CSMD1: variants seen among roughly 807,000 people sequenced by gnomAD.
The protein encoded by CSMD1 is CUB and sushi domain-containing protein 1.
CSMD1 carries 213 observed loss-of-function variants against 417.5 expected under a neutral mutation model. The observed-to-expected ratio is 0.51, with a 90% CI of 0.46 to 0.57. The LOEUF is 0.57. Among genes scored for constraint, CSMD1 ranks in the 20% least tolerant of loss-of-function variants. The pLI is 0.00. For synonymous variants in CSMD1, 2,862 were observed against 1,736.8 expected (o/e 1.65, Z -16.11); for missense variants, 6,923 against 4,529.7 (o/e 1.53, Z -15.17).
chr8:3,194,168 T>C (rs983782), intron 33 of CSMD1, among the ~76,000 whole-genome samples: 1 of 151,998 alleles, frequency 6.6e-6, no homozygotes, highest in Non-Finnish European at 1.5e-5. Flanking sequence ...AAGAATATGC[T>C]TTTTATAGGC....
intron 2 of CSMD1, among the ~76,000 whole-genome samples, chr8:4,581,195 G>C (rs1395571081): frequency 2.6e-5 from 4 of 152,222 alleles, no homozygotes; most frequent in East Asian, 1.9e-4. Context: ...TTGACTTGTT[G>C]ATAAAACTAA....
At chr8:4,028,923 G>A (rs141319356) in intron 4 of CSMD1, among the ~76,000 whole-genome samples, 1 of 152,162 alleles carries the variant, frequency 6.6e-6, no homozygotes, top group Non-Finnish European at 1.5e-5. Flanking sequence ...TAAAGTCATT[G>A]GAACAGTAAA....
intron 3 of CSMD1, among the ~76,000 whole-genome samples, chr8:4,182,899 A>G (rs1221641184): frequency 6.6e-6 from 1 of 152,208 alleles, no homozygotes; most frequent in Non-Finnish European, 1.5e-5. Context: ...TTTGAATGGG[A>G]GAATGTAATT....
chr8:4,854,302 G>A (rs538200697), intron 1 of CSMD1, among the ~76,000 whole-genome samples: 2 of 152,098 alleles, frequency 1.3e-5, no homozygotes, highest in Non-Finnish European at 2.9e-5. Context: ...AGGAGGTGTT[G>A]GGTTGCCGAG....
rs73658459 is a variant in CSMD1, at chr8:4,194,191, C to G, written c.416-162092G>C. Among the ~76,000 whole-genome samples, 1,049 of 152,198 alleles carry G rather than the reference C, an allele frequency of 6.9e-3. 19 individuals carry two copies. The highest frequency in any genetic ancestry group is 0.024 in the African/African-American group (1,016 of 41,510). ...CCCTATCAAGTCTGTACATGTCATACCTGACACTACTAAATTTCTTTCGTC... is the reference window on the plus strand; with the variant it reads ...CCCTATCAAGTCTGTACATGTCATAGCTGACACTACTAAATTTCTTTCGTC... On this transcript the variant is annotated intron_variant, in intron 3 of 69. Transcript: ENST00000635120.
intron 3 of CSMD1, among the ~76,000 whole-genome samples, chr8:4,271,838 G>T (rs777866704): frequency 2.6e-5 from 4 of 152,092 alleles, no homozygotes; most frequent in African/African-American, 9.7e-5. Flanking sequence ...TCCTGGCAGC[G>T]CTATTTGAAA....
At chr8:3,235,699 C>G (rs1017638373) in intron 26 of CSMD1, among the ~76,000 whole-genome samples, 1 of 152,158 alleles carries the variant, frequency 6.6e-6, no homozygotes, top group Non-Finnish European at 1.5e-5. Flanking sequence ...GTGCCTTGCA[C>G]TAGTGGTTAC....
rs80279550 is a variant in CSMD1 at position 4,147,301 on chromosome 8, G to A, written c.416-115202C>T. ...GTAATTCCATACAAAGTTCCCAGCG[G>A]GGAAGGGGAAGCCTTCTGTATGCTC... On this transcript the variant is annotated intron_variant, in intron 3 of 69. Coordinates refer to ENST00000635120, the MANE Select transcript of CSMD1 (RefSeq NM_033225.6). Among the ~76,000 whole-genome samples, 434 of 152,104 alleles carry A rather than the reference G, an allele frequency of 2.9e-3. 16 individuals carry two copies. The East Asian group carries it at 0.078, about 27-fold the overall frequency.
At chr8:4,365,195 G>T (rs538628660) in intron 3 of CSMD1, among the ~76,000 whole-genome samples, 1 of 152,026 alleles carries the variant, frequency 6.6e-6, no homozygotes, top group African/African-American at 2.4e-5. Flanking sequence ...ATAAATATTT[G>T]CACCTTGTCT....
intron 5 of CSMD1, among the ~76,000 whole-genome samples, chr8:3,928,054 A>C (rs1470423958): frequency 2.6e-5 from 4 of 152,062 alleles, no homozygotes; most frequent in Non-Finnish European, 4.4e-5. Context: ...TTTTTTCTTA[A>C]ATTTCCCCAC....
intron 1 of CSMD1, among the ~76,000 whole-genome samples, chr8:4,678,796 T>C (rs10092221): frequency 0.62 from 94,133 of 152,064 alleles, 29,294 homozygotes; most frequent in South Asian, 0.69. Flanking sequence ...GCAAGTTACC[T>C]TTAACCTGTA....
chr8:3,302,297 T>C (rs879101529), intron 25 of CSMD1, among the ~76,000 whole-genome samples: 5 of 152,186 alleles, frequency 3.3e-5, no homozygotes, highest in Non-Finnish European at 7.3e-5. Context: ...TAATGTTTTT[T>C]TCTGGAGTCA....
chr8:4,036,375 A>G (rs958558465), intron 3 of CSMD1, among the ~76,000 whole-genome samples: 1 of 152,198 alleles, frequency 6.6e-6, no homozygotes, highest in East Asian at 1.9e-4. Flanking sequence ...GTACTGCGCA[A>G]TGGTATTTTC....
chr8:3,617,121 C>A (rs1165962504), intron 7 of CSMD1, among the ~76,000 whole-genome samples: 3 of 152,090 alleles, frequency 2.0e-5, no homozygotes, highest in Admixed American at 1.3e-4. Flanking sequence ...ATCAGAAAAA[C>A]AGCATTATGA....
chr8:3,418,503 T>A (rs1177749672), intron 12 of CSMD1, among the ~76,000 whole-genome samples: 1 of 152,158 alleles, frequency 6.6e-6, no homozygotes, highest in Non-Finnish European at 1.5e-5. Flanking sequence ...GGAGTCATAT[T>A]TACTTGGCCA....
chr8:4,660,383 C>G (rs533401925), intron 1 of CSMD1, among the ~76,000 whole-genome samples: 12 of 151,986 alleles, frequency 7.9e-5, no homozygotes, highest in African/African-American at 2.9e-4. Context: ...CCAGAAAACA[C>G]GAAAGTAATG....
intron 1 of CSMD1, among the ~76,000 whole-genome samples, chr8:4,909,772 G>A (rs948027128): frequency 3.0e-4 from 45 of 152,104 alleles, no homozygotes; most frequent in African/African-American, 2.7e-4. Flanking sequence ...TCTGATCCAT[G>A]TACATTTGTT....
chr8:4,047,517 T>C (rs1284423232), intron 3 of CSMD1, among the ~76,000 whole-genome samples: 1 of 117,664 alleles, frequency 8.5e-6, no homozygotes, highest in Non-Finnish European at 2.0e-5. Flanking sequence ...CATTGTGATA[T>C]GTCATTCATT....
At chr8:3,785,375 C>T (rs1799402603) in intron 5 of CSMD1, among the ~76,000 whole-genome samples, 1 of 152,112 alleles carries the variant, frequency 6.6e-6, no homozygotes, top group African/African-American at 2.4e-5. Flanking sequence ...TTTTTTCATT[C>T]CACACCTGGC....
Sources: allele counts gnomAD v4.1 joint callset (sites outside exome capture counted in the v4.1 genomes callset), GRCh38; gene constraint gnomAD v4.1.1; transcripts MANE v1.5; gene names NCBI Gene and HGNC (gene_info 2026-07-23, HGNC 2026-07-21).